TBX5: variants seen among roughly 807,000 people sequenced by gnomAD.
The protein encoded by TBX5 is T-box transcription factor TBX5.
In TBX5, 8 loss-of-function variants were observed where a neutral mutation model predicts 51.1. The observed-to-expected ratio is 0.16, with a 90% confidence interval of 0.09 to 0.28. The LOEUF (loss-of-function observed/expected upper bound fraction) is 0.28, where lower values mean the gene tolerates loss of function less well. TBX5 is among the 10% of genes least tolerant of loss of function. TBX5 has a pLI of 1.00. For missense variants in TBX5, 589 were observed against 671.7 expected (o/e 0.88, Z 1.36); for synonymous variants, 302 against 266.4 (o/e 1.13, Z -1.30).
intron 5 of TBX5, among the ~76,000 whole-genome samples, chr12:114,397,942 G>A (rs998338742): frequency 2.6e-5 from 4 of 152,174 alleles, no homozygotes; most frequent in Admixed American, 6.5e-5. Context: ...AAGTGGGGAG[G>A]GAAGGTATAT....
chr12:114,390,694 T>C (rs1259989333), intron 6 of TBX5, among the ~76,000 whole-genome samples: 2 of 152,236 alleles, frequency 1.3e-5, no homozygotes, highest in Non-Finnish European at 2.9e-5. Context: ...TGCCTTTTAA[T>C]GGCAAAGTTA....
intron 8 of TBX5, among the ~76,000 whole-genome samples, chr12:114,362,488 C>G (rs1869295314): frequency 6.6e-6 from 1 of 152,040 alleles, no homozygotes; most frequent in South Asian, 2.1e-4. Flanking sequence ...GGGCTTCATG[C>G]ATGCTTTCCT....
chr12:114,387,009 G>C (rs923898719), intron 6 of TBX5, among the ~76,000 whole-genome samples: 1 of 151,992 alleles, frequency 6.6e-6, no homozygotes, highest in African/African-American at 2.4e-5. Context: ...CAGAGGCTAA[G>C]GCAGGTGAAT....
At position 114,394,841 on chromosome 12, in the gene TBX5, G is replaced by A. The variant is rs758079210; in HGVS notation, c.563C>T (p.Ala188Val). 6.2e-7 allele frequency: 1 copy of A among 1,613,988 alleles called. No individual in the cohort carries two copies. Among genetic ancestry groups the A allele is most frequent in the Non-Finnish European group, 8.5e-7 (1 of 1,179,990 alleles). ...TGAGCCAAATCCATTATTTTCATCC[G>A]CTTTCACGATGTGTAATCTAGGCTG... The part of the protein sequence containing the change: ...KYQPRLHIVK[A>V]DENNGFGSKN... Residue 188 changes from alanine to valine, a missense_variant, in exon 6 of 9, where the codon GCG (alanine) becomes GTG (valine). Transcript: ENST00000405440.
At chr12:114,401,224 G>A (rs545916883) in intron 3 of TBX5, among the ~76,000 whole-genome samples, 17 of 152,334 alleles carry the variant, frequency 1.1e-4, no homozygotes, top group Admixed American at 7.8e-4. Flanking sequence ...CGAAGCTGCC[G>A]TGTTTATTGG....
intron 7 of TBX5, among the ~76,000 whole-genome samples, chr12:114,384,956 C>T (rs965529347): frequency 5.9e-5 from 9 of 152,134 alleles, no homozygotes; most frequent in Admixed American, 2.6e-4. Flanking sequence ...CAACTATGAC[C>T]ACAGGATATG....
chr12:114,370,134 G>A (rs1869774360), intron 7 of TBX5, among the ~76,000 whole-genome samples: 1 of 151,808 alleles, frequency 6.6e-6, no homozygotes, highest in Admixed American at 6.6e-5. Flanking sequence ...GGGAGGCTGA[G>A]GTAGGACAAT....
chr12:114,403,960 A>T, intron 1 of TBX5, 24 bp from the exon 2 acceptor site: 1 of 1,581,728 alleles, frequency 6.3e-7, no homozygotes, highest in Admixed American at 1.7e-5. Flanking sequence ...GCAGGGGGAG[A>T]TGGGGGTGGG....
intron 7 of TBX5, among the ~76,000 whole-genome samples, chr12:114,369,917 G>C (rs754537280): frequency 2.6e-5 from 4 of 152,028 alleles, no homozygotes; most frequent in Non-Finnish European, 4.4e-5. Flanking sequence ...ATCCTGGCAA[G>C]AACCTCATTT....
intron 7 of TBX5, 57 bp downstream of exon 7, chr12:114,385,419 C>T: frequency 6.6e-7 from 1 of 1,511,338 alleles, no homozygotes; most frequent in African/African-American, 1.4e-5. Context: ...TGCTGGCTTA[C>T]CTGGGTAATT....
At chr12:114,400,869 A>G (rs1259250833) in intron 3 of TBX5, among the ~76,000 whole-genome samples, 2 of 152,174 alleles carry the variant, frequency 1.3e-5, no homozygotes, top group Non-Finnish European at 2.9e-5. Context: ...TTGTCAGTTT[A>G]TTGAGGGAGG....
At position 114,403,799 on chromosome 12, in the gene TBX5, C is replaced by T. The variant is rs368311885; in HGVS notation, c.100G>A (p.Ala34Thr). 17 of 1,614,036 alleles carry T rather than the reference C, an allele frequency of 1.1e-5. No homozygotes were observed. Among genetic ancestry groups the T allele is most frequent in the Non-Finnish European group, 1.4e-5 (16 of 1,180,030 alleles). Residue 34 changes from alanine (A) to threonine (T), a missense_variant, in exon 2 of 9, where the codon GCC (alanine) becomes ACC (threonine). Around this residue, in one of 7 missense-constraint regions of TBX5, gnomAD observed 101 missense variants for 83.3 expected, o/e 1.21. Transcript: ENST00000405440. ...GGGGACGACGGGGACTTGCTGGGGG[C>T]CCCGAGCGCGCTCTCGGGTTTCGAA... is the stretch of plus-strand genomic sequence containing the variant. The part of the protein sequence containing the change: ...CDSKPESALG[A>T]PSKSPSSPQA...
intron 8 of TBX5, among the ~76,000 whole-genome samples, chr12:114,359,727 C>T (rs554095074): frequency 1.3e-5 from 2 of 152,330 alleles, no homozygotes; most frequent in East Asian, 1.9e-4. Context: ...CACAGAGTTA[C>T]AGCTCCAATG....
chr12:114,378,937 C>T (rs1870355677), intron 7 of TBX5, among the ~76,000 whole-genome samples: 1 of 152,176 alleles, frequency 6.6e-6, no homozygotes, highest in South Asian at 2.1e-4. Flanking sequence ...ACCTGACATC[C>T]AAGGTGCAGT....
intron 8 of TBX5, among the ~76,000 whole-genome samples, chr12:114,363,532 A>C (rs1869354220): frequency 6.6e-6 from 1 of 152,206 alleles, no homozygotes; most frequent in Non-Finnish European, 1.5e-5. Flanking sequence ...GAGCTCCCGA[A>C]TTCAAACCTG....
At chr12:114,402,815 AG>A (rs1207979297) in intron 2 of TBX5, among the ~76,000 whole-genome samples, 2 of 103,248 alleles carry the variant, frequency 1.9e-5, no homozygotes, top group Admixed American at 1.0e-4. Flanking sequence ...TTTCCTTAAA[AG>A]AAAAAAAAAA....
chr12:114,397,150 C>T (rs915256039), intron 5 of TBX5, among the ~76,000 whole-genome samples: 9 of 152,134 alleles, frequency 5.9e-5, no homozygotes, highest in African/African-American at 2.2e-4. Flanking sequence ...TCCTCCCCCG[C>T]CCCCTTGACC....
At chr12:114,394,937 C>A in intron 5 of TBX5, 44 bp from the exon 6 acceptor site, 1 of 1,597,458 alleles carries the variant, frequency 6.3e-7, no homozygotes, top group South Asian at 1.1e-5. Flanking sequence ...AATCAAAACT[C>A]CCTTTGTCTC....
chr12:114,382,344 C>T (rs1278582289), intron 7 of TBX5, among the ~76,000 whole-genome samples: 1 of 152,042 alleles, frequency 6.6e-6, no homozygotes, highest in Non-Finnish European at 1.5e-5. Context: ...AGTAAGTACA[C>T]AAACAAATGA....
Sources: allele counts gnomAD v4.1 joint callset (sites outside exome capture counted in the v4.1 genomes callset), GRCh38; gene constraint gnomAD v4.1.1; regional missense constraint gnomAD v4.1.1; transcripts MANE v1.5; gene names NCBI Gene and HGNC (gene_info 2026-07-23, HGNC 2026-07-21).